Variants in DOCK3 observed in about 807,000 individuals in gnomAD.
The protein encoded by DOCK3 is dedicator of cytokinesis 3.
In DOCK3, 60 loss-of-function variants were observed where a neutral mutation model predicts 265.6. That is an observed-to-expected ratio of 0.23 (90% confidence interval 0.18 to 0.28). The LOEUF (loss-of-function observed/expected upper bound fraction) is 0.28. DOCK3 is among the 10% of genes least tolerant of loss of function. The pLI, the probability that DOCK3 is intolerant of heterozygous loss-of-function variation, is 1.00. For missense variants in DOCK3, 1,981 were observed against 2,594.3 expected, an observed-to-expected ratio of 0.76 and a Z score of 5.14; for synonymous variants, 881 against 938.0, an observed-to-expected ratio of 0.94 and a Z score of 1.11.
At chr3:50,689,370 C>G (rs1167612236) in intron 1 of DOCK3, among the ~76,000 whole-genome samples, 1 of 152,148 alleles carries the variant, frequency 6.6e-6, no homozygotes, top group Non-Finnish European at 1.5e-5. Context: ...AGGAAACTTA[C>G]AATCATGGCA....
intron 22 of DOCK3, among the ~76,000 whole-genome samples, chr3:51,249,431 C>A (rs2079055399): frequency 1.6e-5 from 2 of 124,038 alleles, no homozygotes; most frequent in African/African-American, 6.3e-5. Flanking sequence ...AGGGGCGCCT[C>A]TGTCCGGCCG....
intron 5 of DOCK3, among the ~76,000 whole-genome samples, chr3:51,035,732 A>G (rs573180224): frequency 1.3e-5 from 2 of 152,240 alleles, no homozygotes; most frequent in East Asian, 3.9e-4. Flanking sequence ...TAGTTGGTTA[A>G]TTTGGCTAGA....
chr3:51,232,783 T>C (rs2078182404), intron 19 of DOCK3, among the ~76,000 whole-genome samples: 1 of 152,366 alleles, frequency 6.6e-6, no homozygotes, highest in South Asian at 2.1e-4. Flanking sequence ...TAATCATTTG[T>C]TGCATGCATG....
At chr3:51,111,398 A>T (rs1222869802) in intron 9 of DOCK3, among the ~76,000 whole-genome samples, 1 of 152,250 alleles carries the variant, frequency 6.6e-6, no homozygotes, top group Non-Finnish European at 1.5e-5. Flanking sequence ...GACCAGTGGA[A>T]CAGAATAGAG....
intron 9 of DOCK3, among the ~76,000 whole-genome samples, chr3:51,139,258 G>A (rs527539741): frequency 6.7e-6 from 1 of 150,244 alleles, no homozygotes. Flanking sequence ...CTGCAGTGGG[G>A]GGAGGGCTAA....
At chr3:50,953,559 T>C (rs1001748354) in intron 5 of DOCK3, among the ~76,000 whole-genome samples, 2 of 152,254 alleles carry the variant, frequency 1.3e-5, no homozygotes, top group Non-Finnish European at 2.9e-5. Flanking sequence ...ATAAAATGCA[T>C]GTGGATGACT....
intron 2 of DOCK3, among the ~76,000 whole-genome samples, chr3:50,779,915 G>A (rs192822558): frequency 6.4e-4 from 98 of 152,244 alleles, no homozygotes; most frequent in Admixed American, 8.5e-4. Flanking sequence ...AGTTCAGTAC[G>A]GCTACAAGCC....
chr3:51,005,881 C>CT (rs1559924991), intron 5 of DOCK3, among the ~76,000 whole-genome samples: 1 of 152,142 alleles, frequency 6.6e-6, no homozygotes, highest in Non-Finnish European at 1.5e-5. Flanking sequence ...TAAAACCCTC[C>CT]AATGGCTATC....
intron 5 of DOCK3, among the ~76,000 whole-genome samples, chr3:51,045,024 A>G (rs1186215902): frequency 1.3e-5 from 2 of 152,180 alleles, no homozygotes; most frequent in Non-Finnish European, 2.9e-5. Context: ...TCACTGGAGT[A>G]GCACTTTTAA....
At position 50,752,883 on chromosome 3, in the gene DOCK3, G is replaced by C. The variant is rs561049151; in HGVS notation, c.38-25792G>C. On this transcript the variant is annotated intron_variant, in intron 1 of 52. Transcript: ENST00000266037. ...ACAATACTATAAATTCCTCCCTCCCGTACTTTGTGCTACCTTTGTTACAAA... is the reference window on the plus strand; with the variant it reads ...ACAATACTATAAATTCCTCCCTCCCCTACTTTGTGCTACCTTTGTTACAAA... Among the ~76,000 whole-genome samples the C allele has an allele frequency of 2.0e-5, 3 of 152,076 alleles. No individual in the cohort carries two copies. In the East Asian group the frequency reaches 5.8e-4, roughly 29 times the overall value.
intron 2 of DOCK3, among the ~76,000 whole-genome samples, chr3:50,816,808 C>T (rs573548299): frequency 6.6e-6 from 1 of 150,566 alleles, no homozygotes; most frequent in Admixed American, 6.6e-5. Flanking sequence ...TTTCTTTCTT[C>T]TTTATTTCTT....
intron 27 of DOCK3, among the ~76,000 whole-genome samples, chr3:51,283,252 C>T (rs1033435260): frequency 4.6e-5 from 7 of 152,174 alleles, no homozygotes; most frequent in African/African-American, 1.2e-4. Flanking sequence ...CAGACCCCAC[C>T]CCTGGCACTG....
intron 5 of DOCK3, among the ~76,000 whole-genome samples, chr3:51,007,276 C>A (rs947494594): frequency 6.6e-6 from 1 of 152,226 alleles, no homozygotes; most frequent in African/African-American, 2.4e-5. Flanking sequence ...CACATCCTCT[C>A]CAGCACCTGT....
intron 3 of DOCK3, among the ~76,000 whole-genome samples, chr3:50,853,101 C>T (rs929641601): frequency 2.3e-4 from 35 of 152,044 alleles, no homozygotes; most frequent in African/African-American, 8.4e-4. Context: ...CTGTAATTTC[C>T]CTACTGTACT....
intron 1 of DOCK3, among the ~76,000 whole-genome samples, chr3:50,703,115 C>G (rs2036160559): frequency 6.6e-6 from 1 of 151,926 alleles, no homozygotes; most frequent in South Asian, 2.1e-4. Context: ...GCTTTTTATT[C>G]TTCATTTTGT....
chr3:51,197,447 T>G (rs536814085), intron 12 of DOCK3, among the ~76,000 whole-genome samples: 75 of 152,220 alleles, frequency 4.9e-4, no homozygotes, highest in African/African-American at 1.8e-3. Flanking sequence ...TGCGTTGATG[T>G]TGGTGGTGGC....
At chr3:51,310,176 T>G in intron 27 of DOCK3, 56 bp from the exon 28 acceptor site, 2 of 1,413,558 alleles carry the variant, frequency 1.4e-6, no homozygotes, top group Non-Finnish European at 2.0e-6. Flanking sequence ...AGTGGCCTAT[T>G]GAGGAGATGC....
rs370522037 is a variant in DOCK3, at chr3:51,295,159, G to C, written c.2922+14955G>C. On this transcript the variant is annotated intron_variant, in intron 27 of 52. Transcript: ENST00000266037. Reference sequence around the variant, plus strand: ...ATAAAGGAATACCTGAGGCTGATTAGTTTATAAAGAAAAAGGGTTTATTTG... The same window carrying C: ...ATAAAGGAATACCTGAGGCTGATTACTTTATAAAGAAAAAGGGTTTATTTG... Among the ~76,000 whole-genome samples, 188 of 152,340 alleles carry C rather than the reference G, an allele frequency of 1.2e-3. 1 individual carries two copies. The highest frequency in any genetic ancestry group is 3.5e-3 in the East Asian group (18 of 5,184).
chr3:50,905,586 T>A (rs2049446347), intron 4 of DOCK3, among the ~76,000 whole-genome samples: 1 of 152,116 alleles, frequency 6.6e-6, no homozygotes, highest in South Asian at 2.1e-4. Context: ...TGTAGAGGAA[T>A]GCTTGTGATT....
Sources: allele counts gnomAD v4.1 joint callset (sites outside exome capture counted in the v4.1 genomes callset), GRCh38; gene constraint gnomAD v4.1.1; transcripts MANE v1.5; gene names NCBI Gene and HGNC (gene_info 2026-07-23, HGNC 2026-07-21).